Variants in FBXL17 observed in about 807,000 individuals in gnomAD.
The protein encoded by FBXL17 is F-box/LRR-repeat protein 17.
In FBXL17, 22 loss-of-function variants were observed where a neutral mutation model predicts 66.2. The observed-to-expected ratio is 0.33, with a 90% CI of 0.24 to 0.47. The LOEUF (loss-of-function observed/expected upper bound fraction) is 0.47, where lower values mean the gene tolerates loss of function less well. Among genes scored for constraint, FBXL17 ranks in the 20% least tolerant of loss-of-function variants. FBXL17 has a pLI of 1.00. For missense variants in FBXL17, 878 were observed against 948.2 expected, an observed-to-expected ratio of 0.93 and a Z score of 0.97; for synonymous variants, 474 against 400.5, an observed-to-expected ratio of 1.18 and a Z score of -2.19.
intron 4 of FBXL17, among the ~76,000 whole-genome samples, chr5:108,263,196 G>A (rs1756907558): frequency 6.6e-6 from 1 of 151,918 alleles, no homozygotes; most frequent in African/African-American, 2.4e-5. Context: ...CTTAATGGAG[G>A]GTCTGCATCT....
chr5:107,989,516 C>G (rs752134069), intron 7 of FBXL17, among the ~76,000 whole-genome samples: 2 of 152,098 alleles, frequency 1.3e-5, no homozygotes, highest in African/African-American at 2.4e-5. Context: ...TGAATATGCA[C>G]CATGCCTTCA....
chr5:107,986,902 G>A (rs1753031049), intron 7 of FBXL17, among the ~76,000 whole-genome samples: 1 of 151,906 alleles, frequency 6.6e-6, no homozygotes, highest in African/African-American at 2.4e-5. Context: ...TAAATTTTGG[G>A]AAAACTATGT....
At chr5:108,240,729 A>G (rs1024655152) in intron 4 of FBXL17, among the ~76,000 whole-genome samples, 1 of 152,180 alleles carries the variant, frequency 6.6e-6, no homozygotes, top group Non-Finnish European at 1.5e-5. Flanking sequence ...GTAGCCAGAC[A>G]GTGATTATAC....
intron 7 of FBXL17, among the ~76,000 whole-genome samples, chr5:108,001,155 C>T (rs757560160): frequency 1.1e-4 from 17 of 152,138 alleles, no homozygotes; most frequent in Non-Finnish European, 2.1e-4. Flanking sequence ...TGGTAGTACA[C>T]GTTGCTAGCC....
intron 6 of FBXL17, among the ~76,000 whole-genome samples, chr5:108,059,337 C>A (rs888053425): frequency 3.9e-5 from 6 of 152,088 alleles, no homozygotes; most frequent in African/African-American, 1.2e-4. Context: ...CTGACAGAGG[C>A]CTTAGGAGTT....
chr5:108,360,208 T>A (rs1170227889), intron 3 of FBXL17, among the ~76,000 whole-genome samples: 1 of 152,078 alleles, frequency 6.6e-6, no homozygotes, highest in Non-Finnish European at 1.5e-5. Context: ...TGGCTTTCAA[T>A]TACCATCTAG....
chr5:108,041,311 G>A (rs2112803723), intron 6 of FBXL17, among the ~76,000 whole-genome samples: 1 of 152,316 alleles, frequency 6.6e-6, no homozygotes, highest in Middle Eastern at 3.4e-3. Flanking sequence ...GTGTTAAGTA[G>A]AAAGGATTTC....
chr5:108,004,339 A>G (rs1464528149), intron 7 of FBXL17, among the ~76,000 whole-genome samples: 1 of 152,152 alleles, frequency 6.6e-6, no homozygotes, highest in Non-Finnish European at 1.5e-5. Flanking sequence ...ATGTAATCCT[A>G]CTTATTCTAA....
intron 7 of FBXL17, among the ~76,000 whole-genome samples, chr5:107,964,576 G>A (rs1275028933): frequency 6.6e-6 from 1 of 152,032 alleles, no homozygotes; most frequent in Non-Finnish European, 1.5e-5. Flanking sequence ...AGAACTGATA[G>A]TCCCCATTAA....
intron 6 of FBXL17, among the ~76,000 whole-genome samples, chr5:108,077,240 C>T (rs158415): frequency 0.56 from 84,426 of 152,050 alleles, 23,799 homozygotes; most frequent in African/African-American, 0.65. Context: ...AGAGCCCACA[C>T]GATCAATCAA....
chr5:107,917,372 CT>C (rs947662922), intron 7 of FBXL17, among the ~76,000 whole-genome samples: 114 of 151,184 alleles, frequency 7.5e-4, no homozygotes, highest in African/African-American at 2.6e-3. Flanking sequence ...AAGCTGTGGA[CT>C]TTTTTTTTAA....
intron 6 of FBXL17, among the ~76,000 whole-genome samples, chr5:108,036,833 C>T (rs959197998): frequency 6.6e-6 from 1 of 152,088 alleles, no homozygotes; most frequent in Non-Finnish European, 1.5e-5. Context: ...ATATACTTAG[C>T]ATTTGAATAA....
intron 7 of FBXL17, among the ~76,000 whole-genome samples, chr5:107,985,545 CTTAAA>C (rs1209208229): frequency 6.6e-6 from 1 of 152,190 alleles, no homozygotes; most frequent in African/African-American, 2.4e-5. Flanking sequence ...AGTGGACCTT[CTTAAA>C]TTAGTCTCTT....
chr5:107,987,954 A>C (rs538064247), intron 7 of FBXL17, among the ~76,000 whole-genome samples: 43 of 152,148 alleles, frequency 2.8e-4, no homozygotes, highest in African/African-American at 9.9e-4. Flanking sequence ...AATCAGTTAG[A>C]TATTACTGTC....
intron 7 of FBXL17, among the ~76,000 whole-genome samples, chr5:107,901,347 T>C (rs1455215710): frequency 8.5e-5 from 13 of 152,244 alleles, no homozygotes; most frequent in Non-Finnish European, 1.9e-4. Context: ...TCTCATTTTA[T>C]TAATAACTAC....
chr5:107,903,150 T>G (rs868613120), intron 7 of FBXL17, among the ~76,000 whole-genome samples: 5 of 152,252 alleles, frequency 3.3e-5, no homozygotes, highest in African/African-American at 1.2e-4. Flanking sequence ...GCAACATAAC[T>G]CTGGAAAATA....
intron 7 of FBXL17, among the ~76,000 whole-genome samples, chr5:107,966,273 C>A (rs1038563297): frequency 1.3e-5 from 2 of 152,086 alleles, no homozygotes; most frequent in African/African-American, 4.8e-5. Flanking sequence ...TGGAGTTACT[C>A]AGGGGAAGGG....
intron 7 of FBXL17, among the ~76,000 whole-genome samples, chr5:107,940,981 T>C (rs1439998346): frequency 6.6e-6 from 1 of 152,128 alleles, no homozygotes; most frequent in Non-Finnish European, 1.5e-5. Flanking sequence ...GCTTCTAATA[T>C]CTAATTTATG....
intron 7 of FBXL17, among the ~76,000 whole-genome samples, chr5:108,017,701 C>T (rs184024021): frequency 1.3e-5 from 2 of 152,252 alleles, no homozygotes; most frequent in East Asian, 3.9e-4. Context: ...CAATGACATA[C>T]ATTTGTTCAG....
Sources: allele counts gnomAD v4.1 joint callset (sites outside exome capture counted in the v4.1 genomes callset), GRCh38; gene constraint gnomAD v4.1.1; transcripts MANE v1.5; gene names NCBI Gene and HGNC (gene_info 2026-07-23, HGNC 2026-07-21).